The following PIEZO2 variants were observed in gnomAD, a reference collection of about 807,000 sequenced individuals.
The protein encoded by PIEZO2 is piezo type mechanosensitive ion channel component 2.
Under a neutral mutation model 337.3 loss-of-function variants are expected in PIEZO2, and 172 were observed. The ratio of observed to expected loss-of-function variants is 0.51; its 90% CI spans 0.45 to 0.58. The LOEUF (loss-of-function observed/expected upper bound fraction) is 0.58, where lower values mean the gene tolerates loss of function less well. Among genes scored for constraint, PIEZO2 ranks in the 20% least tolerant of loss-of-function variants. PIEZO2 has a pLI of 0.00. For synonymous variants in PIEZO2, 1,251 were observed against 1,228.5 expected (o/e 1.02, Z -0.38); for missense variants, 3,028 against 3,391.3 (o/e 0.89, Z 2.66).
chr18:11,137,442 AT>A (rs1214433518), intron 1 of PIEZO2, among the ~76,000 whole-genome samples: 1 of 152,244 alleles, frequency 6.6e-6, no homozygotes, highest in Non-Finnish European at 1.5e-5. Context: ...TTGTGAAAAT[AT>A]TTCTTAGCCT....
chr18:11,023,311 C>T (rs908964360), intron 2 of PIEZO2, among the ~76,000 whole-genome samples: 1 of 152,238 alleles, frequency 6.6e-6, no homozygotes, highest in Admixed American at 6.5e-5. Context: ...GGTGCATTTA[C>T]AATCCCTGAG....
intron 1 of PIEZO2, among the ~76,000 whole-genome samples, chr18:11,081,794 C>G (rs2038751058): frequency 6.7e-6 from 1 of 148,532 alleles, no homozygotes; most frequent in Non-Finnish European, 1.5e-5. Context: ...GAGTCTTGCT[C>G]TGTCGCCCAG....
chr18:10,747,446 A>G (rs930285733), intron 30 of PIEZO2, among the ~76,000 whole-genome samples: 1 of 152,256 alleles, frequency 6.6e-6, no homozygotes, highest in Non-Finnish European at 1.5e-5. Context: ...AGCTGTTTAT[A>G]TACAAGTAAG....
chr18:10,675,698 G>A, intron 53 of PIEZO2, among the ~76,000 whole-genome samples: 1 of 152,046 alleles, frequency 6.6e-6, no homozygotes. Context: ...ATATGGTTTG[G>A]TTGTGTCCCC....
chr18:11,060,549 A>G (rs990819968), intron 2 of PIEZO2, among the ~76,000 whole-genome samples: 2 of 152,192 alleles, frequency 1.3e-5, no homozygotes, highest in African/African-American at 4.8e-5. Flanking sequence ...AATCAAATAG[A>G]CGCAATAAAA....
intron 18 of PIEZO2, among the ~76,000 whole-genome samples, chr18:10,779,568 C>T (rs2038906716): frequency 6.6e-6 from 1 of 152,148 alleles, no homozygotes; most frequent in Middle Eastern, 3.2e-3. Flanking sequence ...CATCTCAGTG[C>T]CTTTTGTGCT....
intron 7 of PIEZO2, among the ~76,000 whole-genome samples, chr18:10,814,205 A>G (rs867921029): frequency 2.8e-4 from 42 of 151,926 alleles, no homozygotes; most frequent in African/African-American, 5.6e-4. Flanking sequence ...TCCTGACCTC[A>G]TGATCTGCCC....
Position 10,945,103 on chromosome 18 carries a change from C to G in PIEZO2, c.287-33875G>C, listed in dbSNP as rs995580175. 5.3e-5 allele frequency among the ~76,000 whole-genome samples: 8 copies of G among 152,168 alleles called. No individual in the cohort carries two copies. Among genetic ancestry groups the G allele is most frequent in the African/African-American group, 1.9e-4 (8 of 41,448 alleles). ...AGCACAGAAGAAGGGCCCCGGAGATCTGTGAATTCAGCCAAGTAGTGACCA... is the reference window on the plus strand; with the variant it reads ...AGCACAGAAGAAGGGCCCCGGAGATGTGTGAATTCAGCCAAGTAGTGACCA... On this transcript the variant is annotated intron_variant, in intron 3 of 55. Transcript: ENST00000674853. This position sits in a 1 kb window ranked among gnomAD's most constrained non-coding sequence, Gnocchi z 4.0.
At chr18:10,800,728 G>T (rs887569494) in intron 10 of PIEZO2, among the ~76,000 whole-genome samples, 1 of 152,184 alleles carries the variant, frequency 6.6e-6, no homozygotes, top group Non-Finnish European at 1.5e-5. Context: ...ACCATGCTTC[G>T]CACCTGCTGT....
In PIEZO2 at chr18:10,794,302, T is replaced by C. The variant is rs537229874; in HGVS notation, c.1758+470A>G. Among the ~76,000 whole-genome samples the C allele has an allele frequency of 6.6e-6, 1 of 152,292 alleles. No individual in the cohort carries two copies. The highest frequency in any genetic ancestry group is 6.5e-5 in the Admixed American group (1 of 15,304). Reference sequence around the variant, plus strand: ...ATCAGTAGAAGAAAAACAGCAAGTGTCATACTTCATTTTTGCTGCTAAAAA... The same window carrying C: ...ATCAGTAGAAGAAAAACAGCAAGTGCCATACTTCATTTTTGCTGCTAAAAA... On this transcript the variant is annotated intron_variant, in intron 13 of 55. Transcript: ENST00000674853. The surrounding 1 kb of genome is among the most constrained non-coding windows in gnomAD (Gnocchi z 6.6).
intron 2 of PIEZO2, among the ~76,000 whole-genome samples, chr18:10,991,197 CATAT>C: frequency 6.8e-6 from 1 of 146,482 alleles, no homozygotes; most frequent in African/African-American, 2.6e-5. Flanking sequence ...CACATACATA[CATAT>C]ATACATATAT....
intron 29 of PIEZO2, among the ~76,000 whole-genome samples, chr18:10,749,279 T>C (rs1437284665): frequency 6.6e-6 from 1 of 151,858 alleles, no homozygotes; most frequent in Non-Finnish European, 1.5e-5. Flanking sequence ...GGGCAACATC[T>C]CTACAAAAAA....
intron 2 of PIEZO2, among the ~76,000 whole-genome samples, chr18:11,025,093 G>A (rs1019349764): frequency 4.6e-5 from 7 of 152,090 alleles, no homozygotes; most frequent in African/African-American, 1.4e-4. Flanking sequence ...CACTGATTAG[G>A]AATGTAGGCT....
chr18:10,736,120 C>G (rs1026913615), intron 34 of PIEZO2, among the ~76,000 whole-genome samples: 9 of 152,168 alleles, frequency 5.9e-5, no homozygotes, highest in African/African-American at 2.2e-4. Context: ...ATTACTAGTT[C>G]AATATATTCT....
intron 1 of PIEZO2, among the ~76,000 whole-genome samples, chr18:11,084,988 T>C (rs762816102): frequency 6.6e-6 from 1 of 152,230 alleles, no homozygotes; most frequent in Non-Finnish European, 1.5e-5. Context: ...ACCTGGAAGG[T>C]GGCTGCCATG....
intron 49 of PIEZO2, among the ~76,000 whole-genome samples, chr18:10,684,750 G>C (rs1054909691): frequency 3.9e-5 from 6 of 152,202 alleles, no homozygotes; most frequent in African/African-American, 1.4e-4. Context: ...ACAAGCGTGA[G>C]CCACCACATT....
chr18:11,014,887 C>T (rs2036052806), intron 2 of PIEZO2, among the ~76,000 whole-genome samples: 1 of 144,386 alleles, frequency 6.9e-6, no homozygotes, highest in Non-Finnish European at 1.5e-5. Flanking sequence ...CCTCATTCCT[C>T]AGTGTGGGGA....
chr18:10,701,158 A>G lies in PIEZO2; in HGVS notation c.6441+831T>C, dbSNP rs183291749. Among the ~76,000 whole-genome samples, 6 of 152,402 alleles carry G rather than the reference A, an allele frequency of 3.9e-5. No individual in the cohort carries two copies. In the East Asian group the frequency reaches 1.2e-3, roughly 29 times the overall value. ...TACTCCTGGATAAAAGGAATTTAAA[A>G]TATTTTATATAAGAAGACAAGGTTA... On this transcript the variant is annotated intron_variant, in intron 43 of 55. Coordinates refer to ENST00000674853, the MANE Select transcript of PIEZO2 (RefSeq NM_001378183.1).
intron 1 of PIEZO2, among the ~76,000 whole-genome samples, chr18:11,088,386 T>C (rs188849654): frequency 6.6e-6 from 1 of 152,348 alleles, no homozygotes; most frequent in Admixed American, 6.5e-5. Context: ...TGTGACTTCC[T>C]ATTCATTGGA....
Sources: gnomAD v4.1 joint callset for allele counts (sites outside exome capture counted in the v4.1 genomes callset) on GRCh38, gnomAD v4.1.1 for gene constraint, Gnocchi (gnomAD v3.1) non-coding constraint, MANE v1.5 for transcripts, NCBI Gene and HGNC (gene_info 2026-07-23, HGNC 2026-07-21) for gene names.